The following LRBA variants were observed in gnomAD, a reference collection of about 807,000 sequenced individuals.
The protein encoded by LRBA is lipopolysaccharide-responsive and beige-like anchor protein.
Under a neutral mutation model 330.0 loss-of-function variants are expected in LRBA, and 176 were observed. That is an observed-to-expected ratio of 0.53 (90% CI 0.47 to 0.60). The LOEUF (loss-of-function observed/expected upper bound fraction) is 0.60. LRBA is among the 20% of genes least tolerant of loss of function. The pLI, the probability that LRBA is intolerant of heterozygous loss-of-function variation, is 0.00. For synonymous variants in LRBA, 1,230 were observed against 1,193.0 expected (o/e 1.03, Z -0.64); for missense variants, 3,259 against 3,444.8 (o/e 0.95, Z 1.35).
chr4:150,392,047 G>C (rs1744047003), intron 47 of LRBA, among the ~76,000 whole-genome samples: 1 of 149,358 alleles, frequency 6.7e-6, no homozygotes, highest in African/African-American at 2.5e-5. Context: ...ATTGCCAATA[G>C]GTTAAATTTC....
intron 2 of LRBA, among the ~76,000 whole-genome samples, chr4:150,988,980 C>G (rs758949025): frequency 9.2e-5 from 14 of 151,592 alleles, no homozygotes; most frequent in Non-Finnish European, 1.5e-4. Context: ...TAATTAAGTG[C>G]CTATAAAGTG....
At chr4:150,668,074 TTGGCCTACAGTAAAAGTTCCTGATAA>T (rs2126854006) in intron 37 of LRBA, among the ~76,000 whole-genome samples, 1 of 152,334 alleles carries the variant, frequency 6.6e-6, no homozygotes, top group Admixed American at 6.5e-5. Context: ...TTCTATGCAT[TTGGCCTACAGTAAAAGTTCCTGATAA>T]TGATGGAGGT....
chr4:150,322,532 A>G (rs1732656036), intron 49 of LRBA, among the ~76,000 whole-genome samples: 1 of 152,216 alleles, frequency 6.6e-6, no homozygotes, highest in Admixed American at 6.5e-5. Flanking sequence ...GTGGAGGCAC[A>G]TATATTTAAC....
intron 4 of LRBA, among the ~76,000 whole-genome samples, chr4:150,923,172 C>G (rs1733497737): frequency 7.9e-6 from 1 of 125,922 alleles, no homozygotes; most frequent in Admixed American, 9.2e-5. Flanking sequence ...CACTTTCACA[C>G]CATCGTAAAG....
chr4:150,871,407 C>T lies in LRBA; in HGVS notation c.2305G>A (p.Ala769Thr). The change falls in exon 19 of 57, where the codon GCT becomes ACT. Residue 769 changes from alanine to threonine, a missense_variant. Ala to Thr is a moderately conservative substitution (Grantham distance 58, BLOSUM62 0). Coordinates refer to ENST00000651943, the MANE Select transcript of LRBA (RefSeq NM_001364905.1). ...TTTGTCTGAAGCATGAGCCTTTCAG[C>T]TAGCAATGAAAACAATCCATGTCCA... Reference protein sequence around the residue: ...MLGHGLFSLLAERLMLQTNLI... With the variant: ...MLGHGLFSLLTERLMLQTNLI... 1 of 1,612,742 alleles carries T rather than the reference C, an allele frequency of 6.2e-7. No homozygotes were observed. Among genetic ancestry groups the T allele is most frequent in the Non-Finnish European group, 8.5e-7 (1 of 1,178,996 alleles).
At chr4:150,303,876 C>T (rs185274743) in intron 52 of LRBA, among the ~76,000 whole-genome samples, 5 of 152,260 alleles carry the variant, frequency 3.3e-5, no homozygotes. Flanking sequence ...CCCAGCAGCC[C>T]TCACCCTTTA....
At chr4:150,528,968 C>T (rs1763776323) in intron 40 of LRBA, among the ~76,000 whole-genome samples, 1 of 151,998 alleles carries the variant, frequency 6.6e-6, no homozygotes, top group African/African-American at 2.4e-5. Flanking sequence ...TGCATAGAAC[C>T]AAATGAAGGA....
chr4:150,961,882 A>G (rs1738187011), intron 2 of LRBA, among the ~76,000 whole-genome samples: 1 of 149,482 alleles, frequency 6.7e-6, no homozygotes. Context: ...AGGCACTAAG[A>G]ATCTTATGTA....
At chr4:150,652,244 C>A (rs1480799853) in intron 37 of LRBA, among the ~76,000 whole-genome samples, 1 of 152,140 alleles carries the variant, frequency 6.6e-6, no homozygotes, top group Non-Finnish European at 1.5e-5. Flanking sequence ...CTCTCCTCTT[C>A]CCCTTTCCCC....
intron 48 of LRBA, among the ~76,000 whole-genome samples, chr4:150,330,616 T>C (rs1733865711): frequency 6.6e-6 from 1 of 152,092 alleles, no homozygotes; most frequent in East Asian, 1.9e-4. Flanking sequence ...CAGTTCACAA[T>C]AGGGTTTGCA....
intron 28 of LRBA, among the ~76,000 whole-genome samples, chr4:150,839,229 C>G (rs1009863917): frequency 1.3e-5 from 2 of 152,256 alleles, no homozygotes; most frequent in South Asian, 2.1e-4. Flanking sequence ...ATTAAAAAGT[C>G]AGGAAACAAC....
At chr4:150,553,155 A>G (rs1367165046) in intron 40 of LRBA, among the ~76,000 whole-genome samples, 1 of 152,172 alleles carries the variant, frequency 6.6e-6, no homozygotes, top group Non-Finnish European at 1.5e-5. Context: ...GGATGAGTTC[A>G]TGTCATTTGT....
chr4:151,005,213 A>C (rs1412793972), intron 2 of LRBA, among the ~76,000 whole-genome samples: 1 of 151,916 alleles, frequency 6.6e-6, no homozygotes, highest in African/African-American at 2.4e-5. Flanking sequence ...TGGGAGGTCA[A>C]GGTGGGCGGA....
At chr4:150,748,825 G>C (rs950332821) in intron 35 of LRBA, among the ~76,000 whole-genome samples, 2 of 152,098 alleles carry the variant, frequency 1.3e-5, no homozygotes, top group Non-Finnish European at 2.9e-5. Flanking sequence ...CTCCTTCCTA[G>C]TGAATGTAAT....
chr4:150,974,667 A>C (rs1739949544), intron 2 of LRBA, among the ~76,000 whole-genome samples: 1 of 152,242 alleles, frequency 6.6e-6, no homozygotes, highest in Non-Finnish European at 1.5e-5. Flanking sequence ...CAGTGCTGAC[A>C]GAAACCTTGT....
intron 34 of LRBA, among the ~76,000 whole-genome samples, chr4:150,773,441 T>A (rs190697656): frequency 6.4e-4 from 97 of 152,336 alleles, no homozygotes; most frequent in African/African-American, 2.0e-3. Flanking sequence ...TGAAACCACA[T>A]CTGGTACAGC....
chr4:150,860,651 CCT>C (rs1751788975), intron 22 of LRBA, among the ~76,000 whole-genome samples: 1 of 151,874 alleles, frequency 6.6e-6, no homozygotes, highest in Non-Finnish European at 1.5e-5. Flanking sequence ...CATGGTGAAA[CCT>C]CTTCTCTACT....
At chr4:150,423,071 G>A in intron 46 of LRBA, 1 of 798,222 alleles carries the variant, frequency 1.3e-6, no homozygotes, top group Non-Finnish European at 2.3e-6. Context: ...TCACAGGTGG[G>A]TGTGACCTCT....
intron 2 of LRBA, among the ~76,000 whole-genome samples, chr4:150,964,209 A>G (rs1290171472): frequency 6.9e-6 from 1 of 145,262 alleles, no homozygotes. Flanking sequence ...GGAAGTGAGA[A>G]GCCCCTCTGC....
Sources: allele counts gnomAD v4.1 joint callset (sites outside exome capture counted in the v4.1 genomes callset), GRCh38; gene constraint gnomAD v4.1.1; transcripts MANE v1.5; gene names NCBI Gene and HGNC (gene_info 2026-07-23, HGNC 2026-07-21).